The following MCPH1 variants were observed in gnomAD, a reference collection of about 807,000 sequenced individuals.
MCPH1 encodes the protein microcephalin.
MCPH1 carries 104 observed loss-of-function variants against 84.5 expected under a neutral mutation model. That is an observed-to-expected ratio of 1.23 (90% CI 1.05 to 1.45). The LOEUF (loss-of-function observed/expected upper bound fraction) is 1.45, where lower values mean the gene tolerates loss of function less well. Among genes scored for constraint, MCPH1 ranks in the 40% most tolerant of loss-of-function variants. The pLI is 0.00. For synonymous variants in MCPH1, 514 were observed against 366.8 expected (o/e 1.40, Z -4.58); for missense variants, 1,498 against 1,005.7 (o/e 1.49, Z -6.62).
At chr8:6,576,520 G>T (rs369839003) in intron 12 of MCPH1, among the ~76,000 whole-genome samples, 408 of 10,360 alleles carry the variant, frequency 0.039, 6 homozygotes, top group African/African-American at 0.1. Flanking sequence ...CCCCTTCCCC[G>T]TCCCTTTAGA....
At chr8:6,567,236 G>A (rs539336838) in intron 12 of MCPH1, among the ~76,000 whole-genome samples, 8 of 151,336 alleles carry the variant, frequency 5.3e-5, no homozygotes, top group African/African-American at 1.5e-4. Context: ...GATCGGTAAG[G>A]CCATGATAGA....
chr8:6,586,648 G>C lies in MCPH1; in HGVS notation c.2215-34806G>C, dbSNP rs906463898. On this transcript the variant is annotated intron_variant, in intron 12 of 13. Transcript: ENST00000344683. ...AAGGCAAACAGTGAGAGACGGCCAG[G>C]AGAAACCATGAGCACTGCAGTGAGT... 2.0e-5 allele frequency among the ~76,000 whole-genome samples: 3 copies of C among 152,220 alleles called. No homozygotes were observed. The South Asian group carries it at 6.2e-4, about 32-fold the overall frequency.
intron 10 of MCPH1, among the ~76,000 whole-genome samples, chr8:6,478,410 A>C (rs941452999): frequency 2.0e-5 from 3 of 152,244 alleles, no homozygotes; most frequent in Non-Finnish European, 2.9e-5. Flanking sequence ...CTAATACAGA[A>C]GCGAATATTG....
chr8:6,562,831 T>C (rs1397349836), intron 12 of MCPH1: 2 of 1,613,958 alleles, frequency 1.2e-6, no homozygotes, highest in Non-Finnish European at 1.7e-6. Context: ...ATGCTGGACC[T>C]GATATTGCTT....
intron 12 of MCPH1, among the ~76,000 whole-genome samples, chr8:6,570,005 A>G (rs1343570882): frequency 6.6e-6 from 1 of 152,254 alleles, no homozygotes; most frequent in Non-Finnish European, 1.5e-5. Context: ...GCTGAATTCA[A>G]ATTGTTACTT....
At chr8:6,601,216 C>T (rs1161656988) in intron 12 of MCPH1, among the ~76,000 whole-genome samples, 1 of 152,200 alleles carries the variant, frequency 6.6e-6, no homozygotes, top group Non-Finnish European at 1.5e-5. Context: ...CTTCCACCCT[C>T]ACAGCTCTCA....
At chr8:6,576,713 TTTTTTTTTTTTTTTA>T (rs2129576782) in intron 12 of MCPH1, among the ~76,000 whole-genome samples, 2 of 102,904 alleles carry the variant, frequency 1.9e-5, no homozygotes, top group Non-Finnish European at 3.8e-5. Flanking sequence ...TTTTTTTTTT[TTTTTTTTTTTTTTTA>T]GTAGAGATGG....
At chr8:6,569,862 A>C (rs1826515649) in intron 12 of MCPH1, among the ~76,000 whole-genome samples, 1 of 152,208 alleles carries the variant, frequency 6.6e-6, no homozygotes, top group Non-Finnish European at 1.5e-5. Context: ...AGAGACTCTT[A>C]GCGGCCTTCA....
chr8:6,491,058 CAAAA>C (rs35833265), intron 11 of MCPH1, among the ~76,000 whole-genome samples: 2 of 148,704 alleles, frequency 1.3e-5, no homozygotes, highest in Non-Finnish European at 3.0e-5. Flanking sequence ...TAAAATTTAT[CAAAA>C]AAAATTTTTT....
intron 12 of MCPH1, among the ~76,000 whole-genome samples, chr8:6,526,327 A>C (rs192827679): frequency 6.7e-6 from 1 of 150,352 alleles, no homozygotes; most frequent in East Asian, 2.0e-4. Flanking sequence ...CCAGCTACTC[A>C]GGAGGCTGAC....
intron 9 of MCPH1, among the ~76,000 whole-genome samples, chr8:6,463,544 C>A (rs950607418): frequency 1.3e-5 from 2 of 152,066 alleles, no homozygotes; most frequent in African/African-American, 4.8e-5. Context: ...GAGAAGGAGC[C>A]TTGCAGTGGA....
chr8:6,519,709 G>C (rs1440808813), intron 12 of MCPH1, among the ~76,000 whole-genome samples: 1 of 152,240 alleles, frequency 6.6e-6, no homozygotes, highest in Non-Finnish European at 1.5e-5. Flanking sequence ...CCCTTGGCAA[G>C]CACTCTAGGC....
At chr8:6,617,895 T>TATATA (rs1563196837) in intron 12 of MCPH1, among the ~76,000 whole-genome samples, 1 of 145,684 alleles carries the variant, frequency 6.9e-6, no homozygotes, top group African/African-American at 2.6e-5. Context: ...TCTATCTATC[T>TATATA]ATCTAATCTA....
chr8:6,532,430 C>G, intron 12 of MCPH1: 1 of 1,614,080 alleles, frequency 6.2e-7, no homozygotes, highest in Non-Finnish European at 8.5e-7. Context: ...TTCTGTACTG[C>G]ATTCTGCTGT....
At chr8:6,410,031 G>C (rs556275851) in intron 2 of MCPH1, among the ~76,000 whole-genome samples, 4 of 151,866 alleles carry the variant, frequency 2.6e-5, no homozygotes, top group African/African-American at 9.7e-5. Context: ...GTGCAGTGAC[G>C]CGATCTCAGC....
chr8:6,551,906 C>G (rs1012037180), intron 12 of MCPH1, among the ~76,000 whole-genome samples: 1 of 152,184 alleles, frequency 6.6e-6, no homozygotes, highest in African/African-American at 2.4e-5. Context: ...TAAGCTACAT[C>G]TGTATGTAAT....
At chr8:6,584,683 C>T (rs191107485) in intron 12 of MCPH1, among the ~76,000 whole-genome samples, 6 of 152,320 alleles carry the variant, frequency 3.9e-5, no homozygotes, top group Admixed American at 2.6e-4. Context: ...TGACAATATA[C>T]AAAGCAGTTT....
intron 12 of MCPH1, chr8:6,508,035 C>G (rs1005348754): frequency 6.6e-6 from 1 of 152,062 alleles, no homozygotes; most frequent in African/African-American, 2.4e-5. Context: ...AATACCAAAC[C>G]TACAATACAA....
chr8:6,477,590 C>G lies in MCPH1; in HGVS notation c.1936-4C>G, dbSNP rs769938090. ...TTTTGTTCCTTCTTGTTTGAAATCT[C>G]TAGCCAACAAGAACATTAGTCATGA... On this transcript the variant is annotated splice_polypyrimidine_tract_variant and splice_region_variant and intron_variant, in intron 9 of 13. Transcript: ENST00000344683. 22 of 1,612,008 alleles carry G rather than the reference C, an allele frequency of 1.4e-5. No individual in the cohort carries two copies. Among genetic ancestry groups the G allele is most frequent in the Middle Eastern group, 1.7e-4 (1 of 5,934 alleles).
Sources: gnomAD v4.1 joint callset for allele counts (sites outside exome capture counted in the v4.1 genomes callset) on GRCh38, gnomAD v4.1.1 for gene constraint, MANE v1.5 for transcripts, NCBI Gene and HGNC (gene_info 2026-07-23, HGNC 2026-07-21) for gene names.